Variants in TUBGCP5 observed in about 807,000 individuals in gnomAD.
TUBGCP5 encodes the protein gamma-tubulin complex component 5.
A neutral mutation model predicts 134.7 loss-of-function variants in TUBGCP5; 98 were observed. That is an observed-to-expected ratio of 0.73 (90% CI 0.62 to 0.86). The LOEUF (loss-of-function observed/expected upper bound fraction) is 0.86. TUBGCP5 is among the 40% of genes least tolerant of loss of function. The pLI is 0.00. For synonymous variants in TUBGCP5, 456 were observed against 431.4 expected, an observed-to-expected ratio of 1.06 and a Z score of -0.71; for missense variants, 1,150 against 1,244.8, an observed-to-expected ratio of 0.92 and a Z score of 1.15.
chr15:23,004,982 T>C (rs548332803), intron 19 of TUBGCP5, among the ~76,000 whole-genome samples: 92 of 152,344 alleles, frequency 6.0e-4, no homozygotes, highest in African/African-American at 2.2e-3. Context: ...CTTTTAGATG[T>C]ATCAGAAAAA....
At chr15:22,994,421 G>A (rs1056085387), downstream of TUBGCP5, among the ~76,000 whole-genome samples, 1 of 152,316 alleles carries the variant, frequency 6.6e-6, no homozygotes, top group African/African-American at 2.4e-5. Flanking sequence ...ATAGGGCGAT[G>A]TGCAGCACGG....
intron 8 of TUBGCP5, among the ~76,000 whole-genome samples, chr15:23,025,349 C>T (rs1304741264): frequency 1.3e-5 from 2 of 152,168 alleles, no homozygotes; most frequent in African/African-American, 4.8e-5. Context: ...GTTGTCAAAG[C>T]ATCTCCCCTA....
chr15:22,991,016 A>G (rs935286961), intron 23 of TUBGCP5, among the ~76,000 whole-genome samples: 4 of 152,196 alleles, frequency 2.6e-5, no homozygotes, highest in East Asian at 3.8e-4. Flanking sequence ...AAGAGAATGA[A>G]TATCTGTTGT....
In TUBGCP5 at chr15:22,993,525, G is replaced by GTTT. The variant is rs71414252; in HGVS notation, c.*61+3317_*61+3319dup. ...TAATCCTCCCACCTCAGCCCCCGAA[G>GTTT]TTTTTTTTTTTTTTTTTTTTTTTTT... On this transcript the variant is annotated intron_variant and NMD_transcript_variant, in intron 23 of 23. Transcript: ENST00000614508. Among the ~76,000 whole-genome samples the GTTT allele has an allele frequency of 2.1e-3, 142 of 69,256 alleles. 6 individuals carry two copies. The highest frequency in any genetic ancestry group is 2.7e-3 in the African/African-American group (45 of 16,734). The allele number at this position is 69,256 out of a possible 152,430, so 45.4% of individuals were successfully genotyped here.
chr15:23,008,611 A>T (rs1255867468), intron 16 of TUBGCP5, 88 bp downstream of exon 16: 2 of 1,424,140 alleles, frequency 1.4e-6, no homozygotes, highest in Non-Finnish European at 2.0e-6. Flanking sequence ...AATAGTGAGG[A>T]TAAAATAATA....
rs1484255186 is a variant in TUBGCP5 at position 23,010,049 on chromosome 15, G to T, written c.2040C>A (p.Cys680Ter). 1.2e-6 allele frequency: 2 copies of T among 1,614,074 alleles called. No homozygotes were observed. Among genetic ancestry groups the T allele is most frequent in the Non-Finnish European group, 1.7e-6 (2 of 1,180,014 alleles). ...ATCTCAGCGTTAATTCAAAAGTCTGGCATGTCACAGATTCCGATGATCTAT... is the reference window on the plus strand; with the variant it reads ...ATCTCAGCGTTAATTCAAAAGTCTGTCATGTCACAGATTCCGATGATCTAT... ...CVDRSSESVT[C>*]QTFELTLRSC... The change falls in exon 15 of 23, where the codon TGC becomes TGA. Residue 680 changes from cysteine to a stop codon, truncating the protein, a stop_gained. Transcript: ENST00000615383. LOFTEE classifies it high-confidence loss of function.
At chr15:23,002,974 C>T in intron 21 of TUBGCP5, 91 bp downstream of exon 21, 7 of 1,312,486 alleles carry the variant, frequency 5.3e-6, no homozygotes, top group Admixed American at 1.9e-5. Context: ...TCTCAGCCTC[C>T]TGAATGGCTG....
At chr15:23,030,110 G>A (rs917091339) in intron 6 of TUBGCP5, among the ~76,000 whole-genome samples, 34 of 152,074 alleles carry the variant, frequency 2.2e-4, no homozygotes, top group African/African-American at 6.8e-4. Flanking sequence ...TGGGAGGATC[G>A]CTTGAGGCCA....
chr15:23,021,872 G>GT (rs1302656767), intron 11 of TUBGCP5, 87 bp downstream of exon 11: 1 of 1,341,730 alleles, frequency 7.5e-7, no homozygotes, highest in East Asian at 2.3e-5. Context: ...CATCATTCAA[G>GT]TATCAACAAA....
chr15:22,988,646 G>C (rs1427059690), intron 23 of TUBGCP5, among the ~76,000 whole-genome samples: 4 of 150,452 alleles, frequency 2.7e-5, no homozygotes, highest in Admixed American at 1.3e-4. Context: ...TGAGGCAGGA[G>C]AATGGCGTGA....
intron 10 of TUBGCP5, among the ~76,000 whole-genome samples, chr15:23,022,555 C>A (rs1041099125): frequency 2.0e-5 from 3 of 152,216 alleles, no homozygotes; most frequent in Admixed American, 1.3e-4. Context: ...AAGGGCTGCA[C>A]AAGCAAGCTC....
chr15:23,039,565 C>A lies in TUBGCP5; in HGVS notation c.-22G>T. On this transcript the variant is annotated 5_prime_UTR_variant, in exon 1 of 23. Coordinates refer to ENST00000615383, the MANE Select transcript of TUBGCP5 (RefSeq NM_052903.6). ...CCATGTTCCGCGCTCCTGCAGCGCG[C>A]GTCTAACGAATTGGTGCCTGTCGCG... is the stretch of plus-strand genomic sequence containing the variant. 7.3e-7 allele frequency: 1 copy of A among 1,378,154 alleles called. No homozygotes were observed. The highest frequency in any genetic ancestry group is 9.5e-7 in the Non-Finnish European group (1 of 1,050,828). The allele number at this position is 1,378,154 out of a possible 1,614,324, so 85.4% of individuals were successfully genotyped here.
chr15:22,993,524 A>ATT, intron 23 of TUBGCP5, among the ~76,000 whole-genome samples: 1 of 83,114 alleles, frequency 1.2e-5, no homozygotes, highest in Non-Finnish European at 2.3e-5. Context: ...CAGCCCCCGA[A>ATT]GTTTTTTTTT....
chr15:23,031,182 T>C (rs943146646), intron 5 of TUBGCP5, among the ~76,000 whole-genome samples, 162 bp from the exon 6 acceptor site: 6 of 152,298 alleles, frequency 3.9e-5, no homozygotes, highest in South Asian at 4.1e-4. Flanking sequence ...GTGCCTATTA[T>C]AGGAATGGAA....
In TUBGCP5 at chr15:23,024,769, TCA is replaced by T. The variant is rs759442759; in HGVS notation, c.887_888del (p.Val296GlufsTer12). ...AAATGAGTTACTATAATATTGTTTC[TCA>T]CAGTTACCTTCCCATCTATCAACTG... The part of the protein sequence containing the change: ...IFQLIDGKVT[V>X]RNNIIVTHLT... On this transcript the variant is annotated frameshift_variant, in exon 9 of 23. Transcript: ENST00000615383. LOFTEE classifies it high-confidence loss of function. 16 of 1,590,856 alleles carry T rather than the reference TCA, an allele frequency of 1.0e-5. No individual in the cohort carries two copies. The East Asian group carries it at 3.4e-4, about 33-fold the overall frequency.
chr15:23,021,788 T>G (rs1312609979), intron 11 of TUBGCP5, among the ~76,000 whole-genome samples, 171 bp downstream of exon 11: 1 of 152,220 alleles, frequency 6.6e-6, no homozygotes, highest in Non-Finnish European at 1.5e-5. Context: ...TCTTGGCAAT[T>G]AGAGCTGAAA....
chr15:23,020,638 GA>G (rs986117204), intron 11 of TUBGCP5, among the ~76,000 whole-genome samples: 2 of 149,652 alleles, frequency 1.3e-5, no homozygotes, highest in African/African-American at 4.9e-5. Context: ...AAATTGGTGT[GA>G]AAAAAAGTTA....
rs757249943 is a variant in TUBGCP5, at chr15:23,006,345, T to G, written c.2335A>C (p.Ile779Leu). ...GCTGTGTCAACATTTTCAAAAGATATAGATAGACTAAAGAAAGAAATTCCA... is the reference window on the plus strand; with the variant it reads ...GCTGTGTCAACATTTTCAAAAGATAGAGATAGACTAAAGAAAGAAATTCCA... ...RYPEDSSRLSISFENVDTAKK... is the reference protein window; with the variant it reads ...RYPEDSSRLSLSFENVDTAKK... Residue 779 changes from isoleucine (I) to leucine (L), a missense_variant, in exon 17 of 23, where the codon ATA becomes CTA. Coordinates refer to ENST00000615383, the MANE Select transcript of TUBGCP5 (RefSeq NM_052903.6). 3 of 1,595,446 alleles carry G rather than the reference T, an allele frequency of 1.9e-6. No individual in the cohort carries two copies. Among genetic ancestry groups the G allele is most frequent in the Non-Finnish European group, 2.6e-6 (3 of 1,175,234 alleles).
At position 23,031,997 on chromosome 15, in the gene TUBGCP5, A is replaced by G. The variant is rs200116393; in HGVS notation, c.439T>C (p.Leu147=). 33 of 1,612,658 alleles carry G rather than the reference A, an allele frequency of 2.0e-5. No individual in the cohort carries two copies. The highest frequency in any genetic ancestry group is 6.7e-5 in the Admixed American group (4 of 59,926). Residue 147 remains leucine, a synonymous_variant, in exon 5 of 23, where the codon TTG becomes CTG. Coordinates refer to ENST00000615383, the MANE Select transcript of TUBGCP5 (RefSeq NM_052903.6). ...KKDDFDWGKY[L]MEDEEMDIGP... ...ATGTCCATTTCTTCATCTTCCATCA[A>G]GTATTTTCCCCAGTCGAAATCATCT... is the stretch of plus-strand genomic sequence containing the variant.
Sources: allele counts gnomAD v4.1 joint callset (sites outside exome capture counted in the v4.1 genomes callset), GRCh38; gene constraint gnomAD v4.1.1; transcripts MANE v1.5; gene names NCBI Gene and HGNC (gene_info 2026-07-23, HGNC 2026-07-21).